AP2A2: variants seen among roughly 807,000 people sequenced by gnomAD.
The protein encoded by AP2A2 is AP-2 complex subunit alpha-2.
A neutral mutation model predicts 104.2 loss-of-function variants in AP2A2; 32 were observed. The ratio of observed to expected loss-of-function variants is 0.31; its 90% CI spans 0.23 to 0.41. The LOEUF (loss-of-function observed/expected upper bound fraction) is 0.41. AP2A2 is among the 10% of genes least tolerant of loss of function. The probability of loss-of-function intolerance (pLI) is 1.00; values close to 1 mark genes in which losing one functional copy is unlikely to be tolerated. For synonymous variants in AP2A2, 539 were observed against 533.3 expected (o/e 1.01, Z -0.15); for missense variants, 912 against 1,261.0 (o/e 0.72, Z 4.19).
chr11:1,009,018 C>G, intron 18 of AP2A2, 82 bp from the exon 19 acceptor site: 2 of 1,192,738 alleles, frequency 1.7e-6, no homozygotes, highest in Non-Finnish European at 2.4e-6. Flanking sequence ...CGGGACGCTT[C>G]TCACTCCAGG....
chr11:1,009,405 G>A lies in AP2A2; in HGVS notation c.2607+8G>A, dbSNP rs767912347. 32 of 1,610,352 alleles carry A rather than the reference G, an allele frequency of 2.0e-5. 1 individual carries two copies. Among genetic ancestry groups the A allele is most frequent in the South Asian group, 1.8e-4 (16 of 90,960 alleles). ...GAAGTCACCAAAGCCAAGGTAACAC[G>A]TCTGGAGGGACGGCCCCGGGGGACA... On this transcript the variant is annotated splice_region_variant and intron_variant, in intron 20 of 21. Transcript: ENST00000448903.
At chr11:985,276 C>A in intron 7 of AP2A2, 159 bp from the exon 8 acceptor site, 1 of 969,190 alleles carries the variant, frequency 1.0e-6, no homozygotes, top group Non-Finnish European at 1.5e-6. Context: ...AGCCACCGTG[C>A]CCGGCCTGTC....
chr11:987,085 G>T, intron 9 of AP2A2, 132 bp downstream of exon 9: 1 of 1,090,428 alleles, frequency 9.2e-7, no homozygotes, highest in African/African-American at 1.6e-5. Context: ...GCTGGCCTCC[G>T]CCTGTCACCT....
At chr11:974,489 C>T (rs1001597694) in intron 4 of AP2A2, among the ~76,000 whole-genome samples, 15 of 152,018 alleles carry the variant, frequency 9.9e-5, no homozygotes, top group African/African-American at 3.4e-4. Context: ...GAGACCAGCC[C>T]GGCCAACATG....
chr11:953,549 C>A (rs1441290671), intron 1 of AP2A2, among the ~76,000 whole-genome samples: 2 of 111,612 alleles, frequency 1.8e-5, no homozygotes, highest in African/African-American at 5.7e-5. Context: ...GTAAGAGCCC[C>A]CCCCCCCCAT....
intron 8 of AP2A2, among the ~76,000 whole-genome samples, chr11:986,084 C>T (rs1037343548): frequency 9.9e-5 from 15 of 152,226 alleles, no homozygotes; most frequent in African/African-American, 3.6e-4. Flanking sequence ...GCAGTTGCGG[C>T]GCACCACATG....
At position 1,003,343 on chromosome 11, in the gene AP2A2, C is replaced by T. The variant is rs148642101; in HGVS notation, c.2124-379C>T. On this transcript the variant is annotated intron_variant, in intron 15 of 21. Coordinates refer to ENST00000448903, the MANE Select transcript of AP2A2 (RefSeq NM_012305.4). ...AGCCAGGCTCTGATGGCGAGGCCCT[C>T]GCTGGGTGGAAGCTCAGCACCCGTG... Among the ~76,000 whole-genome samples the T allele has an allele frequency of 5.2e-3, 787 of 152,334 alleles. 3 individuals carry two copies. The highest frequency in any genetic ancestry group is 0.018 in the African/African-American group (753 of 41,582).
chr11:987,457 G>A (rs1054468516), intron 9 of AP2A2, among the ~76,000 whole-genome samples: 1 of 151,964 alleles, frequency 6.6e-6, no homozygotes, highest in Non-Finnish European at 1.5e-5. Flanking sequence ...AGACCATCCC[G>A]GCTAACACGG....
At chr11:926,127 G>T (rs942797076) in intron 1 of AP2A2, 39 bp downstream of exon 1, 4 of 1,225,336 alleles carry the variant, frequency 3.3e-6, no homozygotes, top group Non-Finnish European at 4.1e-6. Context: ...GGCCGGGGCC[G>T]CCGGCGGAGA....
intron 10 of AP2A2, among the ~76,000 whole-genome samples, chr11:989,251 C>T (rs28737205): frequency 0.98 from 149,468 of 152,130 alleles, 73,466 homozygotes; most frequent in Middle Eastern, 1. Context: ...CGCTTGAACC[C>T]GGGAGGCGGA....
chr11:1,006,917 T>G (rs1021762532), intron 17 of AP2A2: 2 of 340,204 alleles, frequency 5.9e-6, no homozygotes, highest in Non-Finnish European at 1.1e-5. Context: ...CTTACTCTCC[T>G]GTGACGTGAT....
In AP2A2 at chr11:988,596, C is replaced by T. The variant is rs759104340; in HGVS notation, c.1176C>T (p.Leu392=). 1.9e-5 allele frequency: 30 copies of T among 1,613,238 alleles called. No homozygotes were observed. The highest frequency in any genetic ancestry group is 2.5e-5 in the Non-Finnish European group (30 of 1,179,896). The part of the protein sequence containing the change: ...VSVRQRAVDL[L]YAMCDRSNAP... ...TGCGGCAGCGGGCCGTGGACCTCCT[C>T]TACGCCATGTGCGACCGCAGCAACG... Residue 392 remains leucine, a synonymous_variant, in exon 10 of 22, where the codon CTC becomes CTT. Transcript: ENST00000448903.
chr11:1,009,417 G>T lies in AP2A2; in HGVS notation c.2607+20G>T. On this transcript the variant is annotated intron_variant, in intron 20 of 21. Transcript: ENST00000448903. ...GCCAAGGTAACACGTCTGGAGGGACGGCCCCGGGGGACACGCAGCCCGTGA... is the reference window on the plus strand; with the variant it reads ...GCCAAGGTAACACGTCTGGAGGGACTGCCCCGGGGGACACGCAGCCCGTGA... 1 of 1,602,646 alleles carries T rather than the reference G, an allele frequency of 6.2e-7. No individual in the cohort carries two copies.
chr11:964,674 GAACAAC>G (rs766426297), intron 2 of AP2A2, among the ~76,000 whole-genome samples: 3 of 151,802 alleles, frequency 2.0e-5, no homozygotes, highest in African/African-American at 7.3e-5. Flanking sequence ...AAAATGTTGT[GAACAAC>G]AACAACAACA....
intron 14 of AP2A2, among the ~76,000 whole-genome samples, chr11:996,426 A>G (rs1331153803): frequency 1.3e-5 from 2 of 152,208 alleles, no homozygotes; most frequent in African/African-American, 4.8e-5. Flanking sequence ...GAGCATGGAA[A>G]GGGGCTGTAG....
Position 1,011,825 on chromosome 11 carries a change from C to T in AP2A2, c.*1200C>T, listed in dbSNP as rs1231527426. 1.0e-5 allele frequency: 3 copies of T among 295,170 alleles called. No individual in the cohort carries two copies. The highest frequency in any genetic ancestry group is 2.2e-5 in the African/African-American group (1 of 45,078). The allele number at this position is 295,170 out of a possible 1,614,324, so 18.3% of individuals were successfully genotyped here. A position where few individuals can be genotyped will look rare whatever the true frequency, so the allele number is the denominator to read the frequency against. ...CGGGTCCCTGGGGCAGCTGCAGGGG[C>T]TCATGGACCCATCAGGGTCTCCACA... is the stretch of plus-strand genomic sequence containing the variant. On this transcript the variant is annotated 3_prime_UTR_variant, in exon 22 of 22. Transcript: ENST00000448903.
intron 2 of AP2A2, among the ~76,000 whole-genome samples, chr11:960,806 C>T (rs926631823): frequency 5.3e-5 from 8 of 151,888 alleles, no homozygotes; most frequent in Non-Finnish European, 1.2e-4. Context: ...GCGTGAGCCA[C>T]TGCACCCCAC....
intron 1 of AP2A2, among the ~76,000 whole-genome samples, chr11:931,803 T>C (rs1483980741): frequency 2.0e-5 from 2 of 100,410 alleles, no homozygotes; most frequent in Non-Finnish European, 4.0e-5. Context: ...CCATTTCTTG[T>C]TTTTTTTTTT....
At chr11:972,371 G>T (rs1008161193) in intron 4 of AP2A2, 116 bp downstream of exon 4, 2 of 1,175,558 alleles carry the variant, frequency 1.7e-6, no homozygotes, top group South Asian at 1.6e-5. Flanking sequence ...TCTTATGGGA[G>T]ATGAGATGTA....
Sources: gnomAD v4.1 joint callset for allele counts (sites outside exome capture counted in the v4.1 genomes callset) on GRCh38, gnomAD v4.1.1 for gene constraint, MANE v1.5 for transcripts, NCBI Gene and HGNC (gene_info 2026-07-23, HGNC 2026-07-21) for gene names.